SERPINB3: variants seen among roughly 807,000 people sequenced by gnomAD.
SERPINB3 encodes serpin family B member 3.
SERPINB3 carries 33 observed loss-of-function variants against 33.0 expected under a neutral mutation model. That is an observed-to-expected ratio of 1.00 (90% CI 0.76 to 1.34). SERPINB3 has a LOEUF of 1.34. Ranked by LOEUF, SERPINB3 falls within the 40% of genes most tolerant of loss-of-function variation. The probability of loss-of-function intolerance (pLI) is 0.00; values close to 1 mark genes in which losing one functional copy is unlikely to be tolerated. For missense variants in SERPINB3, 518 were observed against 461.5 expected, an observed-to-expected ratio of 1.12 and a Z score of -1.12; for synonymous variants, 200 against 170.9, an observed-to-expected ratio of 1.17 and a Z score of -1.33.
In SERPINB3 at chr18:63,655,576, G is replaced by A; in HGVS notation, c.*81C>T. The stretch of plus-strand genomic sequence containing the variant: ...GAAAGAAAAGAAATATGAGCCAAGA[G>A]AATCTGTTGTTGCCAGCAATCAGTT... On this transcript the variant is annotated 3_prime_UTR_variant, in exon 8 of 8. Transcript: ENST00000283752. 1.4e-6 allele frequency: 2 copies of A among 1,411,726 alleles called. No homozygotes were observed. Among genetic ancestry groups the A allele is most frequent in the Non-Finnish European group, 1.9e-6 (2 of 1,041,362 alleles). The allele number at this position is 1,411,726 out of a possible 1,614,324, so 87.4% of individuals were successfully genotyped here. A position where few individuals can be genotyped will look rare whatever the true frequency, so the allele number is the denominator to read the frequency against.
In SERPINB3 at chr18:63,655,384, T is replaced by C; in HGVS notation, c.*273A>G. On this transcript the variant is annotated 3_prime_UTR_variant, in exon 8 of 8. Coordinates refer to ENST00000283752, the MANE Select transcript of SERPINB3 (RefSeq NM_006919.3). ...CACAAACAGAATTATATTTCAAATT[T>C]AGAAGATACGGTATTAAGTGATTCA... The C allele has an allele frequency of 3.1e-6, 1 of 327,834 alleles. No homozygotes were observed. The highest frequency in any genetic ancestry group is 2.1e-5 in the African/African-American group (1 of 47,738). 20.3% of individuals were successfully genotyped at this position (327,834 alleles called of 1,614,324 possible).
intron 5 of SERPINB3, among the ~76,000 whole-genome samples, chr18:63,657,700 G>T (rs1364912524): frequency 6.6e-6 from 1 of 151,810 alleles, no homozygotes; most frequent in Non-Finnish European, 1.5e-5. Context: ...ATCTGATTTG[G>T]AATACTGATA....
intron 4 of SERPINB3, 88 bp downstream of exon 4, chr18:63,659,311 C>G: frequency 7.0e-7 from 1 of 1,435,122 alleles, no homozygotes; most frequent in Non-Finnish European, 9.8e-7. Context: ...ATCGGTCAGG[C>G]TCATCTGCCT....
chr18:63,661,027 A>G (rs1913629362), intron 2 of SERPINB3, 25 bp downstream of exon 2: 1 of 1,613,136 alleles, frequency 6.2e-7, no homozygotes, highest in Non-Finnish European at 8.5e-7. Flanking sequence ...CTGCAACAGG[A>G]CAACATAATG....
At chr18:63,660,634 G>A in intron 3 of SERPINB3, 166 bp downstream of exon 3, 1 of 764,872 alleles carries the variant, frequency 1.3e-6, no homozygotes. Context: ...AAGAAAGGAG[G>A]AATAATAATT....
At chr18:63,659,587 T>C in intron 3 of SERPINB3, 60 bp from the exon 4 acceptor site, 2 of 1,609,474 alleles carry the variant, frequency 1.2e-6, no homozygotes, top group East Asian at 2.2e-5. Flanking sequence ...ACTAAACCCA[T>C]GCTAAGTCTG....
At chr18:63,661,308 T>A (rs1380552052) in intron 1 of SERPINB3, 66 bp from the exon 2 acceptor site, 1 of 1,477,604 alleles carries the variant, frequency 6.8e-7, no homozygotes, top group Non-Finnish European at 9.2e-7. Context: ...GTAGTACAAT[T>A]TTCTTAAAGA....
Position 63,661,102 on chromosome 18 carries a change from CTAA to C in SERPINB3, c.112_114del (p.Leu38del), listed in dbSNP as rs1236211301. The C allele has an allele frequency of 6.2e-7, 1 of 1,613,490 alleles. No individual in the cohort carries two copies. The highest frequency in any genetic ancestry group is 1.3e-5 in the African/African-American group (1 of 74,868). ...TCTTTGGCTCCTAAGAGGACCATCC[CTAA>C]TGCTGATGTGATGCTGATAGGGGAA... is the stretch of plus-strand genomic sequence containing the variant. On this transcript the variant is annotated inframe_deletion, in exon 2 of 8. Transcript: ENST00000283752.
intron 6 of SERPINB3, 107 bp from the exon 7 acceptor site, chr18:63,657,093 G>T: frequency 9.1e-7 from 1 of 1,097,118 alleles, no homozygotes. Flanking sequence ...ATCCAAGAAT[G>T]TAATGAGTTA....
intron 6 of SERPINB3, 137 bp from the exon 7 acceptor site, chr18:63,657,123 G>A (rs1342345559): frequency 1.1e-6 from 1 of 928,792 alleles, no homozygotes; most frequent in Non-Finnish European, 1.5e-6. Flanking sequence ...GCTTCTTCAG[G>A]AATTCCTAAC....
In SERPINB3 at chr18:63,660,682, A is replaced by T. The variant is rs563871993; in HGVS notation, c.222+118T>A. On this transcript the variant is annotated intron_variant, in intron 3 of 7. Transcript: ENST00000283752. Reference sequence around the variant, plus strand: ...ATGCCAACCCACTCTGTATGTCTCAATCTTTGTGTCCAAGATTTTCCCTAA... The same window carrying T: ...ATGCCAACCCACTCTGTATGTCTCATTCTTTGTGTCCAAGATTTTCCCTAA... 146 of 1,300,880 alleles carry T rather than the reference A, an allele frequency of 1.1e-4. 3 individuals carry two copies. The South Asian group carries it at 1.7e-3, about 15-fold the overall frequency. 80.6% of individuals were successfully genotyped at this position (1,300,880 alleles called of 1,614,324 possible). A position where few individuals can be genotyped will look rare whatever the true frequency, so the allele number is the denominator to read the frequency against.
At chr18:63,659,586 A>G in intron 3 of SERPINB3, 59 bp from the exon 4 acceptor site, 3 of 1,609,204 alleles carry the variant, frequency 1.9e-6, no homozygotes, top group African/African-American at 1.3e-5. Flanking sequence ...TACTAAACCC[A>G]TGCTAAGTCT....
chr18:63,657,497 C>G (rs756007855), intron 5 of SERPINB3, 85 bp from the exon 6 acceptor site: 1 of 1,170,536 alleles, frequency 8.5e-7, no homozygotes, highest in African/African-American at 1.6e-5. Context: ...CGTGACTGAT[C>G]GTTAATTATT....
At chr18:63,657,131 A>C in intron 6 of SERPINB3, 139 bp downstream of exon 6, 1 of 921,716 alleles carries the variant, frequency 1.1e-6, no homozygotes, top group Non-Finnish European at 1.6e-6. Context: ...AGGAATTCCT[A>C]ACTAAATAAA....
chr18:63,656,512 T>C (rs996773266), intron 7 of SERPINB3, among the ~76,000 whole-genome samples: 2 of 152,184 alleles, frequency 1.3e-5, no homozygotes, highest in African/African-American at 4.8e-5. Flanking sequence ...TTCTATTCCC[T>C]TTTTTACTTG....
chr18:63,660,920 TCA>T, intron 2 of SERPINB3, 64 bp from the exon 3 acceptor site: 2 of 1,612,362 alleles, frequency 1.2e-6, no homozygotes, highest in Non-Finnish European at 1.7e-6. Flanking sequence ...GTCAGTGGTC[TCA>T]CAGTTACGGG....
intron 3 of SERPINB3, 44 bp downstream of exon 3, chr18:63,660,756 C>G (rs1352179195): frequency 6.2e-7 from 1 of 1,612,182 alleles, no homozygotes; most frequent in Non-Finnish European, 8.5e-7. Context: ...AAACTATGAC[C>G]TGTTCGGGGA....
chr18:63,659,346 G>C, intron 4 of SERPINB3, 53 bp downstream of exon 4: 2 of 1,589,730 alleles, frequency 1.3e-6, no homozygotes, highest in South Asian at 2.2e-5. Flanking sequence ...TGGCCACTCA[G>C]AGACACAGAC....
chr18:63,660,413 A>T (rs1161292843), intron 3 of SERPINB3, among the ~76,000 whole-genome samples: 1 of 152,166 alleles, frequency 6.6e-6, no homozygotes, highest in African/African-American at 2.4e-5. Context: ...TTTATGGGCA[A>T]GGCAATGTTG....
Sources: gnomAD v4.1 joint callset for allele counts (sites outside exome capture counted in the v4.1 genomes callset) on GRCh38, gnomAD v4.1.1 for gene constraint, MANE v1.5 for transcripts, NCBI Gene and HGNC (gene_info 2026-07-23, HGNC 2026-07-21) for gene names.